Variants in TRIM37 observed in about 807,000 individuals in gnomAD.
The protein encoded by TRIM37 is E3 ubiquitin-protein ligase TRIM37.
TRIM37 carries 80 observed loss-of-function variants against 129.8 expected under a neutral mutation model. That is an observed-to-expected ratio of 0.62 (90% CI 0.51 to 0.74). The LOEUF is 0.74. Among genes scored for constraint, TRIM37 ranks in the 30% least tolerant of loss-of-function variants. TRIM37 has a pLI of 0.00. For synonymous variants in TRIM37, 389 were observed against 387.1 expected, an observed-to-expected ratio of 1.00 and a Z score of -0.06; for missense variants, 1,054 against 1,176.5, an observed-to-expected ratio of 0.90 and a Z score of 1.52.
chr17:58,973,528 G>A, the TRIM37 span, among the ~76,000 whole-genome samples: 1 of 149,578 alleles, frequency 6.7e-6, no homozygotes, highest in Non-Finnish European at 1.5e-5. Flanking sequence ...AAACCACAGT[G>A]GTTGGGACAG....
At chr17:58,980,336 T>C, downstream of TRIM37, 1 of 1,613,714 alleles carries the variant, frequency 6.2e-7, no homozygotes, top group Non-Finnish European at 8.5e-7. This position sits in a 1 kb window ranked among gnomAD's most constrained non-coding sequence, Gnocchi z 4.7. Flanking sequence ...TCATGGAGAG[T>C]GCAAACGCCC....
At chr17:59,071,763 AAAGAT>A (rs1379940544) in intron 8 of TRIM37, among the ~76,000 whole-genome samples, 3 of 152,214 alleles carry the variant, frequency 2.0e-5, no homozygotes, top group Admixed American at 6.5e-5. Context: ...ATGGTAGATA[AAAGAT>A]AAGACTACTA....
At chr17:59,001,199 C>T (rs924482038) in intron 23 of TRIM37, among the ~76,000 whole-genome samples, 1 of 57,458 alleles carries the variant, frequency 1.7e-5, no homozygotes, top group Non-Finnish European at 3.6e-5. Flanking sequence ...CATCTCGGGG[C>T]AAAAAAAAAA....
rs1479364270 is a variant in TRIM37 at position 59,040,635 on chromosome 17, C to T, written c.1753+1178G>A. Among the ~76,000 whole-genome samples, 6 of 152,206 alleles carry T rather than the reference C, an allele frequency of 3.9e-5. No individual in the cohort carries two copies. The East Asian group carries it at 1.2e-3, about 30-fold the overall frequency. On this transcript the variant is annotated intron_variant, in intron 17 of 23. Transcript: ENST00000262294. ...CAGCATATAGACAGTAACTGAAATA[C>T]AGGTGTGGATAAGATTACCCAGGAT...
At chr17:59,092,008 G>C (rs1256207891) in intron 2 of TRIM37, among the ~76,000 whole-genome samples, 2 of 150,468 alleles carry the variant, frequency 1.3e-5, no homozygotes, top group Non-Finnish European at 3.0e-5. Context: ...AAAAAAAAAA[G>C]GAAGCTAATT....
intron 6 of TRIM37, among the ~76,000 whole-genome samples, chr17:59,080,476 G>A (rs2043161115): frequency 6.6e-6 from 1 of 152,164 alleles, no homozygotes; most frequent in South Asian, 2.1e-4. Flanking sequence ...GACTGTAAAA[G>A]TCAATACTGA....
At chr17:59,042,781 C>A (rs1342837982) in intron 16 of TRIM37, among the ~76,000 whole-genome samples, 6 of 148,326 alleles carry the variant, frequency 4.0e-5, no homozygotes, top group Non-Finnish European at 8.9e-5. Flanking sequence ...CAGGACAGGA[C>A]AGGAAAGGAA....
At chr17:58,980,246 G>C (rs191241565), downstream of TRIM37, 17 of 1,614,204 alleles carry the variant, frequency 1.1e-5, no homozygotes, top group African/African-American at 1.2e-4. The surrounding 1 kb of genome is among the most constrained non-coding windows in gnomAD (Gnocchi z 4.7). Context: ...GAACAAAGCT[G>C]TAAATGTTAG....
intron 9 of TRIM37, among the ~76,000 whole-genome samples, chr17:59,070,097 C>T (rs1464086641): frequency 6.6e-6 from 1 of 152,074 alleles, no homozygotes; most frequent in Non-Finnish European, 1.5e-5. Context: ...ATGGTATGAC[C>T]CAGCACTGAT....
intron 13 of TRIM37, among the ~76,000 whole-genome samples, chr17:59,052,030 C>T (rs1411295409): frequency 2.0e-5 from 3 of 152,134 alleles, no homozygotes; most frequent in Non-Finnish European, 4.4e-5. Flanking sequence ...GCTTTACTAT[C>T]CCCCAAGGAG....
intron 8 of TRIM37, among the ~76,000 whole-genome samples, chr17:59,071,424 T>A (rs2042355251): frequency 6.6e-6 from 1 of 152,026 alleles, no homozygotes; most frequent in Non-Finnish European, 1.5e-5. Flanking sequence ...TAGCTGGGAT[T>A]ACAGGTGGGT....
intron 12 of TRIM37, among the ~76,000 whole-genome samples, chr17:59,060,120 T>C (rs189048287): frequency 6.6e-6 from 1 of 152,312 alleles, no homozygotes; most frequent in East Asian, 1.9e-4. Context: ...TCTAGCTGTA[T>C]TGTCCTTTCT....
chr17:59,029,154 G>A (rs895403834), intron 18 of TRIM37, among the ~76,000 whole-genome samples: 35 of 152,182 alleles, frequency 2.3e-4, no homozygotes, highest in Non-Finnish European at 4.3e-4. Flanking sequence ...CTGGCCAGGT[G>A]CAGTGGCTTA....
chr17:59,032,561 G>C (rs756301376), intron 17 of TRIM37, among the ~76,000 whole-genome samples: 1 of 148,216 alleles, frequency 6.7e-6, no homozygotes, highest in Non-Finnish European at 1.5e-5. Context: ...AAAGAAAGAA[G>C]GAACCAGACA....
chr17:59,001,476 G>T, intron 23 of TRIM37, 122 bp downstream of exon 23: 270 of 1,035,938 alleles, frequency 2.6e-4, no homozygotes, highest in Non-Finnish European at 3.3e-4. Context: ...AAAAGAAGTA[G>T]AAGCAGAAGA....
intron 1 of TRIM37, 185 bp from the exon 2 acceptor site, chr17:59,104,579 G>A (rs1281353663): frequency 2.1e-5 from 16 of 756,366 alleles, no homozygotes; most frequent in Non-Finnish European, 3.4e-5. Flanking sequence ...ATGTACTCCC[G>A]TTTGGTTTCA....
At chr17:59,006,031 T>A (rs1202355674) in intron 22 of TRIM37, among the ~76,000 whole-genome samples, 11 of 152,228 alleles carry the variant, frequency 7.2e-5, no homozygotes, top group Admixed American at 7.2e-4. Flanking sequence ...TGTTTCTGTG[T>A]TGTTAAAATT....
At chr17:59,061,338 A>T (rs956062107) in intron 11 of TRIM37, among the ~76,000 whole-genome samples, 14 of 152,102 alleles carry the variant, frequency 9.2e-5, no homozygotes, top group Non-Finnish European at 1.8e-4. Flanking sequence ...AACAACCACA[A>T]CAAAGGTTAA....
intron 3 of TRIM37, among the ~76,000 whole-genome samples, chr17:59,090,451 C>CA (rs2044189757): frequency 1.3e-5 from 2 of 152,048 alleles, no homozygotes; most frequent in South Asian, 4.1e-4. Context: ...AATACATGCA[C>CA]AAAAAACAGT....
Sources: gnomAD v4.1 joint callset for allele counts (sites outside exome capture counted in the v4.1 genomes callset) on GRCh38, gnomAD v4.1.1 for gene constraint, Gnocchi (gnomAD v3.1) non-coding constraint, MANE v1.5 for transcripts, NCBI Gene and HGNC (gene_info 2026-07-23, HGNC 2026-07-21) for gene names.